The following FKRP variants were observed in gnomAD, a reference collection of about 807,000 sequenced individuals.
FKRP encodes the protein ribitol 5-phosphate transferase FKRP.
In FKRP, 25 loss-of-function variants were observed where a neutral mutation model predicts 30.6. The ratio of observed to expected loss-of-function variants is 0.82; its 90% confidence interval spans 0.60 to 1.14. The LOEUF (loss-of-function observed/expected upper bound fraction) is 1.14. Among genes scored for constraint, FKRP ranks in the 50% most tolerant of loss-of-function variants. FKRP has a pLI of 0.00. For synonymous variants in FKRP, 358 were observed against 342.5 expected (o/e 1.05, Z -0.50); for missense variants, 771 against 727.8 (o/e 1.06, Z -0.68).
chr19:46,754,477 C>T (rs1476010214), intron 3 of FKRP, among the ~76,000 whole-genome samples: 1 of 143,364 alleles, frequency 7.0e-6, no homozygotes, highest in Non-Finnish European at 1.5e-5. Context: ...CTGTAACCTC[C>T]ACCTCCCAGG....
chr19:46,753,372 G>A (rs371944327), intron 3 of FKRP, among the ~76,000 whole-genome samples: 4 of 148,620 alleles, frequency 2.7e-5, no homozygotes, highest in South Asian at 2.1e-4. Context: ...CAGGAGAATC[G>A]CTTGAACGCG....
intron 3 of FKRP, among the ~76,000 whole-genome samples, chr19:46,749,902 T>G (rs1208947747): frequency 6.6e-6 from 1 of 152,124 alleles, no homozygotes; most frequent in East Asian, 2.0e-4. Flanking sequence ...AATTTTTTTG[T>G]AGAGACGGGG....
chr19:46,756,975 G>C lies in FKRP; in HGVS notation c.*37G>C. 3 of 1,610,136 alleles carry C rather than the reference G, an allele frequency of 1.9e-6. No homozygotes were observed. Among genetic ancestry groups the C allele is most frequent in the Non-Finnish European group, 2.5e-6 (3 of 1,178,650 alleles). ...CCTCGCCTTTGTTTTTCGGGGGTCT[G>C]TCTGGATGTGGAGAAGCTCTGTGTG... On this transcript the variant is annotated 3_prime_UTR_variant, in exon 4 of 4. Transcript: ENST00000318584. The surrounding 1 kb of genome is among the most constrained non-coding windows in gnomAD (Gnocchi z 6.6).
intron 3 of FKRP, among the ~76,000 whole-genome samples, chr19:46,753,250 G>A (rs1251974334): frequency 1.3e-5 from 2 of 149,770 alleles, no homozygotes; most frequent in East Asian, 3.9e-4. Flanking sequence ...TGGATCACCT[G>A]AGGTCAGGAG....
chr19:46,748,335 G>A (rs1253918589), intron 2 of FKRP, among the ~76,000 whole-genome samples, 180 bp from the exon 3 acceptor site: 9 of 152,052 alleles, frequency 5.9e-5, no homozygotes, highest in Middle Eastern at 3.4e-3. Flanking sequence ...CTGCCACCAC[G>A]CCCGGCTAAT....
intron 1 of FKRP, chr19:46,746,497 CCCCCCCT>C: frequency 1.2e-6 from 1 of 845,196 alleles, no homozygotes; most frequent in Non-Finnish European, 1.4e-6. Context: ...GCCAACACCC[CCCCCCCT>C]CCCCCGCCGC....
rs116279147 is a variant in FKRP at position 46,750,874 on chromosome 19, G to A, written c.-40+2209G>A. Among the ~76,000 whole-genome samples, 1,117 of 152,150 alleles carry A rather than the reference G, an allele frequency of 7.3e-3. 10 individuals are homozygous for A. The highest frequency in any genetic ancestry group is 0.026 in the African/African-American group (1,080 of 41,498). ...TTCAAGTCACTCATTCATTCAACAC[G>A]TATTTATTGAGCACCTGCTATGCAC... On this transcript the variant is annotated intron_variant, in intron 3 of 3. Coordinates refer to ENST00000318584, the MANE Select transcript of FKRP (RefSeq NM_024301.5).
chr19:46,756,244 G>A lies in FKRP; in HGVS notation c.794G>A (p.Arg265Gln), dbSNP rs1320991574. 6 of 1,451,044 alleles carry A rather than the reference G, an allele frequency of 4.1e-6. No individual in the cohort carries two copies. Among genetic ancestry groups the A allele is most frequent in the African/African-American group, 1.5e-5 (1 of 68,216 alleles). The allele number at this position is 1,451,044 out of a possible 1,614,324, so 89.9% of individuals were successfully genotyped here. A position where few individuals can be genotyped will look rare whatever the true frequency, so the allele number is the denominator to read the frequency against. The change falls in exon 4 of 4, where the codon CGG (arginine) becomes CAG (glutamine). Residue 265 changes from arginine (R) to glutamine (Q), a missense_variant. Physicochemically the swap from Arg to Gln is conservative, Grantham distance 43. Coordinates refer to ENST00000318584, the MANE Select transcript of FKRP (RefSeq NM_024301.5). The surrounding 1 kb of genome is among the most constrained non-coding windows in gnomAD (Gnocchi z 6.6). ...WKAEREGRARRAALLRALGIR... is the reference protein window; with the variant it reads ...WKAEREGRARQAALLRALGIR... ...GCTGAGCGCGAGGGACGCGCTCGGC[G>A]GGCGGCGCTGCTCCGCGCGCTGGGC... is the stretch of plus-strand genomic sequence containing the variant.
At position 46,755,854 on chromosome 19, in the gene FKRP, C is replaced by T. The variant is rs398124392; in HGVS notation, c.404C>T (p.Ala135Val). ...FVALVPDGAR[A>V]EAPGLLERMV... ...GCCCTAGTACCTGATGGGGCGCGGG[C>T]TGAGGCACCTGGCCTGCTGGAGCGC... Residue 135 changes from alanine (A) to valine (V), a missense_variant, in exon 4 of 4, where the codon GCT becomes GTT. Coordinates refer to ENST00000318584, the MANE Select transcript of FKRP (RefSeq NM_024301.5). The T allele has an allele frequency of 6.7e-7, 1 of 1,489,860 alleles. No individual in the cohort carries two copies. The highest frequency in any genetic ancestry group is 1.3e-5 in the South Asian group (1 of 77,014). The allele number at this position is 1,489,860 out of a possible 1,614,324, so 92.3% of individuals were successfully genotyped here. A position where few individuals can be genotyped will look rare whatever the true frequency, so the allele number is the denominator to read the frequency against.
rs2122632279 is a variant in FKRP, at chr19:46,756,601, G to C, written c.1151G>C (p.Gly384Ala). Reference sequence around the variant, plus strand: ...GAGCAGCTGCGGGGGGCAGAGGCCGGCTCGGTGGTGGATGAGCGCGGCTTC... The same window carrying C: ...GAGCAGCTGCGGGGGGCAGAGGCCGCCTCGGTGGTGGATGAGCGCGGCTTC... ...NCEQLRGAEA[G>A]SVVDERGFVW... is the part of the protein sequence containing the mutation. The change falls in exon 4 of 4, where the codon GGC becomes GCC. Residue 384 changes from glycine (G) to alanine (A), a missense_variant. Gly to Ala is a moderately conservative substitution (Grantham distance 60). Transcript: ENST00000318584. The surrounding 1 kb of genome is among the most constrained non-coding windows in gnomAD (Gnocchi z 6.6). 6.2e-7 allele frequency: 1 copy of C among 1,611,050 alleles called. No individual in the cohort carries two copies. Among genetic ancestry groups the C allele is most frequent in the East Asian group, 2.2e-5 (1 of 44,774 alleles).
chr19:46,746,159 G>A lies in FKRP; in HGVS notation c.-253+69G>A, dbSNP rs535458876. 16 of 1,526,070 alleles carry A rather than the reference G, an allele frequency of 1.0e-5. No homozygotes were observed. Among genetic ancestry groups the A allele is most frequent in the Admixed American group, 3.9e-5 (2 of 51,300 alleles). 94.5% of individuals were successfully genotyped at this position (1,526,070 alleles called of 1,614,324 possible). ...CGGGACAGCGCTCACCTGTAACTCG[G>A]CGCGCTCGGCCTCCCAGCGGGCTTT... On this transcript the variant is annotated intron_variant, in intron 1 of 3. Coordinates refer to ENST00000318584, the MANE Select transcript of FKRP (RefSeq NM_024301.5).
intron 1 of FKRP, chr19:46,746,366 G>C: frequency 8.6e-7 from 1 of 1,158,512 alleles, no homozygotes; most frequent in Non-Finnish European, 1.1e-6. Flanking sequence ...GCCCGCGCCT[G>C]AGCCGAGCGG....
chr19:46,756,033 G>C lies in FKRP; in HGVS notation c.583G>C (p.Asp195His). 1 of 1,579,412 alleles carries C rather than the reference G, an allele frequency of 6.3e-7. No homozygotes were observed. The highest frequency in any genetic ancestry group is 8.5e-7 in the Non-Finnish European group (1 of 1,171,416). Residue 195 changes from aspartate (D) to histidine (H), a missense_variant, in exon 4 of 4, where the codon GAC (aspartate) becomes CAC (histidine). Transcript: ENST00000318584. The surrounding 1 kb of genome is among the most constrained non-coding windows in gnomAD (Gnocchi z 6.6). The part of the protein sequence containing the change: ...APAAPRCDAL[D>H]GDAVVLLRAR... Reference sequence around the variant, plus strand: ...CGCCGCGCCCCGCTGCGACGCCCTGGACGGAGATGCTGTGGTGCTCCTGCG... The same window carrying C: ...CGCCGCGCCCCGCTGCGACGCCCTGCACGGAGATGCTGTGGTGCTCCTGCG...
At chr19:46,749,414 T>A (rs576615840) in intron 3 of FKRP, among the ~76,000 whole-genome samples, 2 of 148,086 alleles carry the variant, frequency 1.4e-5, no homozygotes. Flanking sequence ...TTTCCTTTTT[T>A]TTTTTTTTTT....
rs2122615035 is a variant in FKRP at position 46,755,870 on chromosome 19, G to A, written c.420G>A (p.Leu140=). The A allele has an allele frequency of 1.3e-6, 2 of 1,492,444 alleles. No individual in the cohort carries two copies. Among genetic ancestry groups the A allele is most frequent in the Non-Finnish European group, 1.8e-6 (2 of 1,124,070 alleles). 92.5% of individuals were successfully genotyped at this position (1,492,444 alleles called of 1,614,324 possible). A position where few individuals can be genotyped will look rare whatever the true frequency, so the allele number is the denominator to read the frequency against. Residue 140 remains leucine (L), a synonymous_variant, in exon 4 of 4, where the codon CTG becomes CTA. Coordinates refer to ENST00000318584, the MANE Select transcript of FKRP (RefSeq NM_024301.5). The part of the protein sequence containing the change: ...PDGARAEAPG[L]LERMVEALRA... ...GGGCGCGGGCTGAGGCACCTGGCCTGCTGGAGCGCATGGTGGAGGCGCTCC... is the reference window on the plus strand; with the variant it reads ...GGGCGCGGGCTGAGGCACCTGGCCTACTGGAGCGCATGGTGGAGGCGCTCC...
chr19:46,750,831 C>T (rs1266604727), intron 3 of FKRP, among the ~76,000 whole-genome samples: 1 of 151,998 alleles, frequency 6.6e-6, no homozygotes, highest in Admixed American at 6.6e-5. Context: ...ACCCAGCCCA[C>T]GTTCCTTATC....
intron 3 of FKRP, 75 bp downstream of exon 3, chr19:46,748,740 G>C (rs542775320): frequency 6.6e-6 from 1 of 152,414 alleles, no homozygotes; most frequent in Admixed American, 6.6e-5. Context: ...GCTTTTGTCC[G>C]TCTTTTTTTT....
chr19:46,756,653 C>CT lies in FKRP; in HGVS notation c.1208dup (p.Arg404ProfsTer60). ...TATGGGAGAAGGCGGTCGAGGGCGA[C>CT]TTTTTCCGCGTGCAGTACAGCGAAA... On this transcript the variant is annotated frameshift_variant, in exon 4 of 4. Coordinates refer to ENST00000318584, the MANE Select transcript of FKRP (RefSeq NM_024301.5). LOFTEE classifies it high-confidence loss of function. This position sits in a 1 kb window ranked among gnomAD's most constrained non-coding sequence, Gnocchi z 6.6. 1 of 1,613,506 alleles carries CT rather than the reference C, an allele frequency of 6.2e-7. No individual in the cohort carries two copies. Among genetic ancestry groups the CT allele is most frequent in the Non-Finnish European group, 8.5e-7 (1 of 1,179,838 alleles).
At chr19:46,748,451 C>A (rs2054718035) in intron 2 of FKRP, 64 bp from the exon 3 acceptor site, 3 of 152,232 alleles carry the variant, frequency 2.0e-5, no homozygotes, top group Admixed American at 2.0e-4. Context: ...GCTAGAATTA[C>A]AGGCGTGAGC....
Sources: allele counts gnomAD v4.1 joint callset (sites outside exome capture counted in the v4.1 genomes callset), GRCh38; gene constraint gnomAD v4.1.1; non-coding constraint Gnocchi (gnomAD v3.1); transcripts MANE v1.5; gene names NCBI Gene and HGNC (gene_info 2026-07-23, HGNC 2026-07-21).